Variants in PTPRM observed in about 807,000 individuals in gnomAD.
PTPRM encodes protein tyrosine phosphatase receptor type M.
Under a neutral mutation model 186.7 loss-of-function variants are expected in PTPRM, and 47 were observed. That is an observed-to-expected ratio of 0.25 (90% CI 0.20 to 0.32). The LOEUF (loss-of-function observed/expected upper bound fraction) is 0.32. Ranked by LOEUF, PTPRM falls within the 10% of genes least tolerant of loss-of-function variation. The probability of loss-of-function intolerance (pLI) is 1.00; values close to 1 mark genes in which losing one functional copy is unlikely to be tolerated. For synonymous variants in PTPRM, 668 were observed against 674.9 expected (o/e 0.99, Z 0.16); for missense variants, 1,494 against 1,865.0 (o/e 0.80, Z 3.66).
intron 7 of PTPRM, among the ~76,000 whole-genome samples, chr18:7,956,924 C>G (rs2053350479): frequency 1.3e-5 from 2 of 152,168 alleles, no homozygotes; most frequent in African/African-American, 4.8e-5. Flanking sequence ...TCTTTGATCC[C>G]CATAATACAG....
At chr18:7,934,266 A>C (rs887666111) in intron 5 of PTPRM, among the ~76,000 whole-genome samples, 2 of 152,184 alleles carry the variant, frequency 1.3e-5, no homozygotes, top group Admixed American at 6.5e-5. Context: ...TCTTAAAAAA[A>C]CTTACTTAGA....
chr18:8,135,285 G>A (rs979717339), intron 13 of PTPRM, among the ~76,000 whole-genome samples: 2 of 152,132 alleles, frequency 1.3e-5, no homozygotes, highest in African/African-American at 2.4e-5. Flanking sequence ...TTGGATCGCT[G>A]AGAAAGTAAG....
chr18:7,834,431 A>G (rs774754683), intron 2 of PTPRM, among the ~76,000 whole-genome samples: 1 of 18,866 alleles, frequency 5.3e-5, no homozygotes, highest in Non-Finnish European at 9.0e-5. Context: ...ATATGTAAAT[A>G]TAAGTATGTA....
At chr18:8,318,390 G>T (rs1439910639) in intron 21 of PTPRM, among the ~76,000 whole-genome samples, 1 of 145,866 alleles carries the variant, frequency 6.9e-6, no homozygotes, top group Non-Finnish European at 1.5e-5. Flanking sequence ...TGGAACCCCT[G>T]GGCTTATGCA....
chr18:8,346,233 T>C (rs2095504253), intron 23 of PTPRM, among the ~76,000 whole-genome samples: 3 of 152,162 alleles, frequency 2.0e-5, no homozygotes, highest in South Asian at 2.1e-4. Context: ...TGTGTCCACC[T>C]GGTTGGGCTG....
intron 23 of PTPRM, among the ~76,000 whole-genome samples, chr18:8,346,606 T>A (rs1052637623): frequency 2.0e-5 from 3 of 152,198 alleles, no homozygotes; most frequent in African/African-American, 7.2e-5. Flanking sequence ...AACAGCCTGC[T>A]TAATGGGGTT....
intron 1 of PTPRM, among the ~76,000 whole-genome samples, chr18:7,737,155 T>C (rs921052538): frequency 2.6e-5 from 4 of 151,254 alleles, no homozygotes; most frequent in Non-Finnish European, 5.9e-5. Flanking sequence ...GGAGACAGAG[T>C]CACACTCTGT....
intron 20 of PTPRM, among the ~76,000 whole-genome samples, chr18:8,311,887 C>T (rs185396924): frequency 6.6e-6 from 1 of 152,296 alleles, no homozygotes; most frequent in East Asian, 1.9e-4. Context: ...CTGAGCAGCC[C>T]ATGGGTGGTA....
chr18:8,176,359 T>C (rs1329988395), intron 14 of PTPRM, among the ~76,000 whole-genome samples: 3 of 152,250 alleles, frequency 2.0e-5, no homozygotes, highest in African/African-American at 7.2e-5. Context: ...CAGAGGGATG[T>C]GCCTGAAGGC....
chr18:8,131,162 G>T (rs2092495230), intron 13 of PTPRM, among the ~76,000 whole-genome samples: 1 of 152,156 alleles, frequency 6.6e-6, no homozygotes, highest in Admixed American at 6.5e-5. Context: ...GAACTTCTGG[G>T]AAAATGAATG....
At chr18:8,380,490 AGTTT>A in intron 29 of PTPRM, 63 bp downstream of exon 29, 1 of 1,593,790 alleles carries the variant, frequency 6.3e-7, no homozygotes, top group Non-Finnish European at 8.6e-7. Context: ...TTTTACACTG[AGTTT>A]GTTTGCACCC....
chr18:7,644,663 A>G (rs2038519810), intron 1 of PTPRM, among the ~76,000 whole-genome samples: 1 of 152,116 alleles, frequency 6.6e-6, no homozygotes, highest in Non-Finnish European at 1.5e-5. Flanking sequence ...AAAAAATGCT[A>G]TTGCACTAGG....
In PTPRM at chr18:7,652,769, G is replaced by C. The variant is rs915888557; in HGVS notation, c.73+84878G>C. ...GGACTGTTGTGGGGTGGGGGGAGGG[G>C]GGAGGGATAGCATTGGGAGATATAC... On this transcript the variant is annotated intron_variant, in intron 1 of 32. Coordinates refer to ENST00000580170, the MANE Select transcript of PTPRM (RefSeq NM_001105244.2). Among the ~76,000 whole-genome samples the C allele has an allele frequency of 2.6e-5, 3 of 113,950 alleles. No homozygotes were observed. The East Asian group carries it at 9.2e-4, about 35-fold the overall frequency. The allele number at this position is 113,950 out of a possible 152,430, so 74.8% of individuals were successfully genotyped here.
chr18:8,164,493 A>G lies in PTPRM; in HGVS notation c.2300+20714A>G, dbSNP rs572046007. On this transcript the variant is annotated intron_variant, in intron 14 of 32. Transcript: ENST00000580170. ...GGATAAACAAAAATGTGGTCTATCC[A>G]TACAACGGAGTACTATTCAGTCTTA... 5.9e-5 allele frequency among the ~76,000 whole-genome samples: 9 copies of G among 152,358 alleles called. No homozygotes were observed. In the East Asian group the frequency reaches 1.4e-3, roughly 23 times the overall value.
chr18:7,585,491 A>T (rs2036956102), intron 1 of PTPRM, among the ~76,000 whole-genome samples: 1 of 152,066 alleles, frequency 6.6e-6, no homozygotes, highest in African/African-American at 2.4e-5. Context: ...TAAGGGATGG[A>T]TTTGTGCGGG....
At chr18:7,936,751 C>T (rs1190602682) in intron 5 of PTPRM, among the ~76,000 whole-genome samples, 17 of 152,294 alleles carry the variant, frequency 1.1e-4, no homozygotes, top group African/African-American at 4.1e-4. Flanking sequence ...AATTATCGTG[C>T]TTTTTTGATG....
intron 1 of PTPRM, among the ~76,000 whole-genome samples, chr18:7,734,664 C>A (rs2040729965): frequency 6.6e-6 from 1 of 152,084 alleles, no homozygotes; most frequent in Admixed American, 6.6e-5. Context: ...GAGCAAATGG[C>A]ATGGAATTTT....
At position 8,378,357 on chromosome 18, in the gene PTPRM, T is replaced by C; in HGVS notation, c.3555T>C (p.Tyr1185=). ...CTTCCCAAGTTAGGTCTCTGTATTA[T>C]GACATGAACAAACTGGATCCACAGA... ...VPASQVRSLY[Y]DMNKLDPQTN... The change falls in exon 27 of 33, where the codon TAT becomes TAC. Residue 1185 remains tyrosine (Y), a synonymous_variant. Transcript: ENST00000580170. The C allele has an allele frequency of 6.2e-7, 1 of 1,614,030 alleles. No individual in the cohort carries two copies. The highest frequency in any genetic ancestry group is 8.5e-7 in the Non-Finnish European group (1 of 1,179,902).
At chr18:7,679,696 G>A (rs773527294) in intron 1 of PTPRM, among the ~76,000 whole-genome samples, 7 of 151,852 alleles carry the variant, frequency 4.6e-5, no homozygotes, top group Non-Finnish European at 1.0e-4. Context: ...ACATAATTGG[G>A]CATACTGTAA....
Sources: gnomAD v4.1 joint callset for allele counts (sites outside exome capture counted in the v4.1 genomes callset) on GRCh38, gnomAD v4.1.1 for gene constraint, MANE v1.5 for transcripts, NCBI Gene and HGNC (gene_info 2026-07-23, HGNC 2026-07-21) for gene names.